Variants in CPLX2 observed in about 807,000 individuals in gnomAD.
CPLX2 encodes the protein complexin 2.
CPLX2 carries 5 observed loss-of-function variants against 16.3 expected under a neutral mutation model. That is an observed-to-expected ratio of 0.31 (90% confidence interval 0.16 to 0.64). The LOEUF (loss-of-function observed/expected upper bound fraction) is 0.64, where lower values mean the gene tolerates loss of function less well. CPLX2 is among the 30% of genes least tolerant of loss of function. The pLI, the probability that CPLX2 is intolerant of heterozygous loss-of-function variation, is 0.79. For synonymous variants in CPLX2, 89 were observed against 73.2 expected (o/e 1.22, Z -1.10); for missense variants, 144 against 181.4 (o/e 0.79, Z 1.18).
intron 2 of CPLX2, among the ~76,000 whole-genome samples, chr5:175,824,065 C>T (rs1434067697): frequency 1.3e-5 from 2 of 152,208 alleles, no homozygotes; most frequent in Non-Finnish European, 2.9e-5. Flanking sequence ...GCCAGCCATA[C>T]AGGTCCCCTG....
intron 2 of CPLX2, among the ~76,000 whole-genome samples, chr5:175,829,813 C>T (rs1480791732): frequency 6.6e-6 from 1 of 152,198 alleles, no homozygotes; most frequent in East Asian, 1.9e-4. Context: ...GCGGTCCTGA[C>T]CCTTACTACT....
rs1759024182 is a variant in CPLX2, at chr5:175,845,442, G to A, written c.-88-33210G>A. On this transcript the variant is annotated intron_variant, in intron 2 of 4. Transcript: ENST00000359546. The surrounding 1 kb of genome is among the most constrained non-coding windows in gnomAD (Gnocchi z 4.0). ...CACCACCAGGCTCTTTCCTGCCACA[G>A]GCCCTTTGCACCTGCTTTTGCTCTC... 6.6e-6 allele frequency among the ~76,000 whole-genome samples: 1 copy of A among 152,134 alleles called. No individual in the cohort carries two copies. Among genetic ancestry groups the A allele is most frequent in the African/African-American group, 2.4e-5 (1 of 41,418 alleles).
chr5:175,801,533 G>C (rs148230664), intron 1 of CPLX2, among the ~76,000 whole-genome samples: 249 of 152,342 alleles, frequency 1.6e-3, no homozygotes, highest in African/African-American at 5.5e-3. Flanking sequence ...GAGCTAGGCT[G>C]CCTGGGTTCA....
Position 175,818,719 on chromosome 5 carries a change from T to C in CPLX2, c.-89+9651T>C, listed in dbSNP as rs555442232. On this transcript the variant is annotated intron_variant, in intron 2 of 4. Coordinates refer to the CPLX2 transcript ENST00000359546. The stretch of plus-strand genomic sequence containing the variant: ...CTCTGTCACCTGGGCTGGAGTGTAG[T>C]GATGCGATCTCGGTTCACTGCAACC... Among the ~76,000 whole-genome samples the C allele has an allele frequency of 2.9e-5, 4 of 139,576 alleles. No homozygotes were observed. In the Admixed American group the frequency reaches 3.2e-4, roughly 11 times the overall value. The allele number at this position is 139,576 out of a possible 152,430, so 91.6% of individuals were successfully genotyped here.
At chr5:175,871,411 GAGAGAGAGAGAGAGAGAGAGAC>G (rs1759593681), upstream of CPLX2, 7 of 21,204 alleles carry the variant, frequency 3.3e-4, no homozygotes, top group African/African-American at 9.3e-4. Context: ...AGAGAGAGAG[GAGAGAGAGAGAGAGAGAGAGAC>G]AGAGAGAGAG....
At chr5:175,869,165 A>C (rs917049390), upstream of CPLX2, among the ~76,000 whole-genome samples, 4 of 152,194 alleles carry the variant, frequency 2.6e-5, no homozygotes, top group African/African-American at 4.8e-5. Context: ...CGTCACCTTT[A>C]ATGGCTAAAG....
chr5:175,822,067 GC>G (rs1758520338), intron 2 of CPLX2, among the ~76,000 whole-genome samples: 1 of 152,166 alleles, frequency 6.6e-6, no homozygotes, highest in Non-Finnish European at 1.5e-5. Flanking sequence ...CAGCTCATTT[GC>G]CTGGAACGTA....
At chr5:175,806,662 G>GT (rs1236205304) in intron 1 of CPLX2, among the ~76,000 whole-genome samples, 4 of 72,680 alleles carry the variant, frequency 5.5e-5, no homozygotes, top group Non-Finnish European at 7.9e-5. Flanking sequence ...GGTTAATTTT[G>GT]TATTTTTTTT....
chr5:175,823,978 C>G (rs962451283), intron 2 of CPLX2, among the ~76,000 whole-genome samples: 1 of 152,172 alleles, frequency 6.6e-6, no homozygotes, highest in Non-Finnish European at 1.5e-5. Flanking sequence ...CTCCTCCGCA[C>G]AGGCCTGGGG....
At chr5:175,826,648 G>A (rs888442243) in intron 2 of CPLX2, among the ~76,000 whole-genome samples, 2 of 152,116 alleles carry the variant, frequency 1.3e-5, no homozygotes, top group African/African-American at 4.8e-5. Flanking sequence ...AATCTCCCAG[G>A]ATGGCACTTG....
chr5:175,804,944 C>G (rs2382120), intron 1 of CPLX2, among the ~76,000 whole-genome samples: 123,841 of 152,212 alleles, frequency 0.81, 50,477 homozygotes, highest in East Asian at 0.9. Context: ...TGGCCAAGCT[C>G]TTTCTATACT....
At chr5:175,797,965 C>G (rs1758024481) in intron 1 of CPLX2, among the ~76,000 whole-genome samples, 1 of 152,188 alleles carries the variant, frequency 6.6e-6, no homozygotes, top group Admixed American at 6.5e-5. Flanking sequence ...ACGTGACACT[C>G]TAGATCACTG....
rs1432249652 is a variant in CPLX2, at chr5:175,879,095, C to T, written c.207+12C>T. 2 of 1,554,710 alleles carry T rather than the reference C, an allele frequency of 1.3e-6. No homozygotes were observed. The highest frequency in any genetic ancestry group is 1.2e-5 in the South Asian group (1 of 84,290). ...AGATCCGAGATAAGGTCAGCTCCGC[C>T]CGCCCGCCCGTCCTGGGGAGGGCCA... On this transcript the variant is annotated intron_variant, in intron 3 of 3. Coordinates refer to ENST00000393745, the MANE Select transcript of CPLX2 (RefSeq NM_001008220.2).
At chr5:175,858,633 A>G (rs1759305534) in intron 2 of CPLX2, among the ~76,000 whole-genome samples, 1 of 152,252 alleles carries the variant, frequency 6.6e-6, no homozygotes, top group Non-Finnish European at 1.5e-5. Flanking sequence ...TACACAATAT[A>G]TTACACCAAA....
chr5:175,801,055 G>A (rs984754167), intron 1 of CPLX2, among the ~76,000 whole-genome samples: 13 of 151,838 alleles, frequency 8.6e-5, no homozygotes, highest in African/African-American at 2.7e-4. Context: ...GGGCAGGGAG[G>A]GGGCAGAGAG....
At chr5:175,843,771 C>T (rs994114766) in intron 2 of CPLX2, among the ~76,000 whole-genome samples, 1 of 152,244 alleles carries the variant, frequency 6.6e-6, no homozygotes, top group Non-Finnish European at 1.5e-5. Context: ...GGTGCTGGCT[C>T]CTCTCACCTG....
rs1758271935 is a variant in CPLX2, at chr5:175,809,341, G to A, written c.-89+273G>A. 1 of 152,222 alleles carries A rather than the reference G, an allele frequency of 6.6e-6. No homozygotes were observed. Among genetic ancestry groups the A allele is most frequent in the African/African-American group, 2.4e-5 (1 of 41,458 alleles). 9.4% of individuals were successfully genotyped at this position (152,222 alleles called of 1,614,324 possible). On this transcript the variant is annotated intron_variant, in intron 2 of 4. Transcript: ENST00000359546. This position sits in a 1 kb window ranked among gnomAD's most constrained non-coding sequence, Gnocchi z 4.4. ...GATATTATTATCCCCAGTTACAGAT[G>A]AGAAAACTGAAGCTCAGAGAGTGAA...
chr5:175,822,457 G>A (rs1581076163), intron 2 of CPLX2, among the ~76,000 whole-genome samples: 1 of 152,184 alleles, frequency 6.6e-6, no homozygotes, highest in Non-Finnish European at 1.5e-5. Flanking sequence ...GACAAAGGAT[G>A]TGGAAACGCT....
intron 2 of CPLX2, among the ~76,000 whole-genome samples, chr5:175,864,066 T>C (rs960997181): frequency 2.0e-5 from 3 of 152,196 alleles, no homozygotes; most frequent in Non-Finnish European, 4.4e-5. Context: ...ATGCTATGCC[T>C]TGCCTGGGTG....
Sources: gnomAD v4.1 joint callset for allele counts (sites outside exome capture counted in the v4.1 genomes callset) on GRCh38, gnomAD v4.1.1 for gene constraint, Gnocchi (gnomAD v3.1) non-coding constraint, MANE v1.5 for transcripts, NCBI Gene and HGNC (gene_info 2026-07-23, HGNC 2026-07-21) for gene names.